The following ZNF423 variants were observed in gnomAD, a reference collection of about 807,000 sequenced individuals.
ZNF423 encodes the protein zinc finger protein 423.
In ZNF423, 12 loss-of-function variants were observed where a neutral mutation model predicts 95.8. The observed-to-expected ratio is 0.13, with a 90% CI of 0.08 to 0.20. ZNF423 has a LOEUF of 0.20. ZNF423 is among the 10% of genes least tolerant of loss of function. ZNF423 has a pLI of 1.00. For synonymous variants in ZNF423, 749 were observed against 711.9 expected (o/e 1.05, Z -0.83); for missense variants, 1,316 against 1,737.1 (o/e 0.76, Z 4.31).
intron 2 of ZNF423, among the ~76,000 whole-genome samples, chr16:49,776,239 C>T (rs1191796977): frequency 6.6e-6 from 1 of 152,206 alleles, no homozygotes; most frequent in Non-Finnish European, 1.5e-5. Flanking sequence ...GCTGGAGCAG[C>T]GGTCACAGAA....
rs115038330 is a variant in ZNF423, at chr16:49,531,845, A to G, written c.3602-6351T>C. Among the ~76,000 whole-genome samples, 1,359 of 152,160 alleles carry G rather than the reference A, an allele frequency of 8.9e-3. 26 individuals are homozygous for G. Among genetic ancestry groups the G allele is most frequent in the African/African-American group, 0.03 (1,264 of 41,498 alleles). ...CAGCTCTGGCAGCCCACGGGAACCC[A>G]CTTCCCTGCCAAGCAGCCCGGGCAG... On this transcript the variant is annotated intron_variant, in intron 5 of 7. Coordinates refer to ENST00000563137, the MANE Select transcript of ZNF423 (RefSeq NM_001379286.1).
At chr16:49,853,342 T>A (rs2035322589) in intron 1 of ZNF423, among the ~76,000 whole-genome samples, 1 of 152,022 alleles carries the variant, frequency 6.6e-6, no homozygotes, top group South Asian at 2.1e-4. Flanking sequence ...ATCCCTCACC[T>A]GCTGGAACTC....
chr16:49,640,387 C>T (rs951170244), intron 3 of ZNF423, among the ~76,000 whole-genome samples: 5 of 152,168 alleles, frequency 3.3e-5, no homozygotes, highest in Non-Finnish European at 7.3e-5. Flanking sequence ...AATATACATG[C>T]ACACGCTCAT....
chr16:49,533,890 G>GGA (rs1968950804), intron 5 of ZNF423, among the ~76,000 whole-genome samples: 3 of 152,188 alleles, frequency 2.0e-5, no homozygotes, highest in African/African-American at 7.2e-5. Flanking sequence ...CGGCACAGTG[G>GGA]CTTACACCTG....
At chr16:49,735,264 A>T (rs1178526854) in intron 2 of ZNF423, among the ~76,000 whole-genome samples, 1 of 151,948 alleles carries the variant, frequency 6.6e-6, no homozygotes, top group Non-Finnish European at 1.5e-5. Context: ...GATTTCCGTT[A>T]AGTCTTCACA....
At chr16:49,843,540 A>C (rs2035212922) in intron 1 of ZNF423, among the ~76,000 whole-genome samples, 1 of 152,156 alleles carries the variant, frequency 6.6e-6, no homozygotes, top group Non-Finnish European at 1.5e-5. Context: ...AGCTAACCCT[A>C]CTAGTTCTAT....
At chr16:49,527,964 C>T (rs1002464043) in intron 5 of ZNF423, among the ~76,000 whole-genome samples, 3 of 152,154 alleles carry the variant, frequency 2.0e-5, no homozygotes, top group African/African-American at 7.2e-5. Flanking sequence ...CCTCACTAGG[C>T]ACAATGACCC....
intron 3 of ZNF423, among the ~76,000 whole-genome samples, chr16:49,701,752 C>T (rs767933229): frequency 1.1e-4 from 16 of 152,194 alleles, no homozygotes; most frequent in African/African-American, 3.6e-4. Flanking sequence ...CCCCCTTCCC[C>T]GTTGCAGATT....
intron 1 of ZNF423, among the ~76,000 whole-genome samples, chr16:49,804,891 CTTTTT>C (rs754687457): frequency 1.0e-5 from 1 of 95,906 alleles, no homozygotes; most frequent in African/African-American, 4.1e-5. Context: ...GATCCCACAG[CTTTTT>C]TTTTTTTTTT....
At chr16:49,537,749 T>C (rs902649319) in intron 5 of ZNF423, among the ~76,000 whole-genome samples, 1 of 152,206 alleles carries the variant, frequency 6.6e-6, no homozygotes, top group African/African-American at 2.4e-5. Context: ...TACCACCTTC[T>C]TGAGGCCAAG....
chr16:49,557,870 T>C (rs1221099260), intron 5 of ZNF423, among the ~76,000 whole-genome samples: 2 of 152,180 alleles, frequency 1.3e-5, no homozygotes, highest in Non-Finnish European at 2.9e-5. Flanking sequence ...AATTCAATTC[T>C]GGCAGCCAGA....
chr16:49,527,448 G>A (rs557444379), intron 5 of ZNF423, among the ~76,000 whole-genome samples: 33 of 152,126 alleles, frequency 2.2e-4, no homozygotes, highest in Non-Finnish European at 4.3e-4. Context: ...CAGTGTGGGG[G>A]GCTGCCTCAA....
chr16:49,734,806 C>T (rs561072688), intron 2 of ZNF423, among the ~76,000 whole-genome samples: 8 of 152,344 alleles, frequency 5.3e-5, no homozygotes, highest in Non-Finnish European at 1.0e-4. Flanking sequence ...ACACCTGCAT[C>T]CTTTTGCCCA....
chr16:49,656,124 G>C (rs969244066), intron 3 of ZNF423, among the ~76,000 whole-genome samples: 1 of 152,172 alleles, frequency 6.6e-6, no homozygotes, highest in African/African-American at 2.4e-5. Flanking sequence ...CGTTGGGGCA[G>C]TGTAGGTGAG....
intron 3 of ZNF423, among the ~76,000 whole-genome samples, chr16:49,665,936 A>G (rs961207464): frequency 6.6e-6 from 1 of 152,246 alleles, no homozygotes; most frequent in African/African-American, 2.4e-5. Context: ...CACTGAACAA[A>G]TTAAAATTAG....
At chr16:49,625,699 G>A (rs1972236391) in intron 5 of ZNF423, among the ~76,000 whole-genome samples, 1 of 152,234 alleles carries the variant, frequency 6.6e-6, no homozygotes. Context: ...CCCTTCTAGA[G>A]AGGCTGAATT....
At chr16:49,854,137 C>T (rs2035331007) in intron 1 of ZNF423, 1 of 985,374 alleles carries the variant, frequency 1.0e-6, no homozygotes, top group Non-Finnish European at 1.2e-6. Flanking sequence ...CCCTGTCCCC[C>T]AATCAGAACA....
At position 49,574,729 on chromosome 16, in the gene ZNF423, C is replaced by T. The variant is rs947854587; in HGVS notation, c.3602-49235G>A. On this transcript the variant is annotated intron_variant, in intron 5 of 7. Transcript: ENST00000563137. ...GCACTCCAGGTCGTGCATCCCACCT[C>T]GCCCTGCCCTGCTCCCTCCTGCTTT... Among the ~76,000 whole-genome samples, 8 of 152,192 alleles carry T rather than the reference C, an allele frequency of 5.3e-5. No individual in the cohort carries two copies. In the East Asian group the frequency reaches 1.5e-3, roughly 29 times the overall value.
chr16:49,501,646 T>A (rs989666424), intron 7 of ZNF423, among the ~76,000 whole-genome samples: 2 of 149,122 alleles, frequency 1.3e-5, no homozygotes, highest in Non-Finnish European at 3.0e-5. Context: ...CAAGAGTGGG[T>A]TGGATAATGA....
Sources: gnomAD v4.1 joint callset for allele counts (sites outside exome capture counted in the v4.1 genomes callset) on GRCh38, gnomAD v4.1.1 for gene constraint, MANE v1.5 for transcripts, NCBI Gene and HGNC (gene_info 2026-07-23, HGNC 2026-07-21) for gene names.